Variants in APBB3 observed in about 807,000 individuals in gnomAD.
The protein encoded by APBB3 is amyloid beta precursor protein binding family B member 3.
A neutral mutation model predicts 61.5 loss-of-function variants in APBB3; 50 were observed. The observed-to-expected ratio is 0.81, with a 90% confidence interval of 0.65 to 1.03. The LOEUF is 1.03. Ranked by LOEUF, APBB3 falls within the 50% of genes least tolerant of loss-of-function variation. The probability of loss-of-function intolerance (pLI) is 0.00; values close to 1 mark genes in which losing one functional copy is unlikely to be tolerated. For synonymous variants in APBB3, 235 were observed against 233.0 expected (o/e 1.01, Z -0.08); for missense variants, 550 against 637.4 (o/e 0.86, Z 1.48).
intron 9 of APBB3, 23 bp from the exon 10 acceptor site, chr5:140,561,124 G>A (rs1408848087): frequency 6.2e-7 from 1 of 1,613,466 alleles, no homozygotes; most frequent in East Asian, 2.2e-5. Context: ...CACCAAGTTG[G>A]CCTGGAAGCT....
At position 140,558,816 on chromosome 5, in the gene APBB3, C is replaced by T. The variant is rs1754820750; in HGVS notation, c.1230G>A (p.Gln410=). The part of the protein sequence containing the change: ...SEAVQAACMV[Q]YQKCLVASAA... The stretch of plus-strand genomic sequence containing the variant: ...CAGAGGCCACAAGACACTTCTGGTA[C>T]TGAACCTAGGGAGAAGGGGAATGTG... Residue 410 remains glutamine, a synonymous_variant, in exon 13 of 13, where the codon CAG becomes CAA. Transcript: ENST00000357560. 1.2e-6 allele frequency: 2 copies of T among 1,612,368 alleles called. No individual in the cohort carries two copies. The highest frequency in any genetic ancestry group is 2.2e-5 in the East Asian group (1 of 44,872).
Position 140,560,266 on chromosome 5 carries a change from A to G in APBB3, c.1224+47T>C, listed in dbSNP as rs1190528475. On this transcript the variant is annotated intron_variant, in intron 12 of 12. Coordinates refer to ENST00000357560, the MANE Select transcript of APBB3 (RefSeq NM_133173.3). This position sits in a 1 kb window ranked among gnomAD's most constrained non-coding sequence, Gnocchi z 5.1. Reference sequence around the variant, plus strand: ...CCCGGAGCCCAAGTAAACAGTGGAGAGCAGCTGCAGGGCAATCCCACCAAC... The same window carrying G: ...CCCGGAGCCCAAGTAAACAGTGGAGGGCAGCTGCAGGGCAATCCCACCAAC... 2 of 1,579,554 alleles carry G rather than the reference A, an allele frequency of 1.3e-6. No homozygotes were observed. Among genetic ancestry groups the G allele is most frequent in the Non-Finnish European group, 1.7e-6 (2 of 1,155,952 alleles).
At position 140,564,113 on chromosome 5, in the gene APBB3, C is replaced by A. The variant is rs1755097599; in HGVS notation, c.49+84G>T. 1.9e-6 allele frequency: 3 copies of A among 1,585,000 alleles called. No homozygotes were observed. Among genetic ancestry groups the A allele is most frequent in the African/African-American group, 2.7e-5 (2 of 74,342 alleles). On this transcript the variant is annotated intron_variant, in intron 1 of 12. Transcript: ENST00000357560. This position sits in a 1 kb window ranked among gnomAD's most constrained non-coding sequence, Gnocchi z 5.0. Reference sequence around the variant, plus strand: ...CCCTACACAGAGAGGTATCCCCCACCGTCTTTGAGCCCCAGAGTAGCCTTT... The same window carrying A: ...CCCTACACAGAGAGGTATCCCCCACAGTCTTTGAGCCCCAGAGTAGCCTTT...
Position 140,558,493 on chromosome 5 carries a change from C to T in APBB3, c.*92G>A. ...TCGGAGGGACAGGCAGAGAAGGCTT[C>T]AAGGAGTGACAGGCTATAGGCCTTG... is the stretch of plus-strand genomic sequence containing the variant. On this transcript the variant is annotated 3_prime_UTR_variant, in exon 13 of 13. Transcript: ENST00000357560. The T allele has an allele frequency of 8.1e-7, 1 of 1,240,494 alleles. No homozygotes were observed. Among genetic ancestry groups the T allele is most frequent in the Non-Finnish European group, 1.2e-6 (1 of 841,730 alleles). 76.8% of individuals were successfully genotyped at this position (1,240,494 alleles called of 1,614,324 possible). A position where few individuals can be genotyped will look rare whatever the true frequency, so the allele number is the denominator to read the frequency against.
chr5:140,563,034 C>T, intron 3 of APBB3: 1 of 370,650 alleles, frequency 2.7e-6, no homozygotes, highest in Non-Finnish European at 5.0e-6. Context: ...ATCATGAGGT[C>T]AGGATATCGA....
At position 140,558,733 on chromosome 5, in the gene APBB3, G is replaced by C; in HGVS notation, c.1313C>G (p.Thr438Ser). The C allele has an allele frequency of 2.5e-6, 4 of 1,607,924 alleles. No homozygotes were observed. The highest frequency in any genetic ancestry group is 3.4e-6 in the Non-Finnish European group (4 of 1,178,366). ...ACCTCCTGGGGAATCCATGGAGCTG[G>C]TCCGCTTGAGCCGCAGGCGGGCACG... is the stretch of plus-strand genomic sequence containing the variant. ...QARARLRLKR[T>S]SSMDSPGGPL... is the part of the protein sequence containing the mutation. The change falls in exon 13 of 13, where the codon ACC becomes AGC. Residue 438 changes from threonine to serine, a missense_variant. Thr to Ser is a moderately conservative substitution (Grantham distance 58). Around this residue, in one of 3 missense-constraint regions of APBB3, gnomAD observed 138 missense variants for 132.6 expected, o/e 1.04. Coordinates refer to ENST00000357560, the MANE Select transcript of APBB3 (RefSeq NM_133173.3).
In APBB3 at chr5:140,558,671, C is replaced by T. The variant is rs529722873; in HGVS notation, c.1375G>A (p.Gly459Ser). 183 of 1,613,438 alleles carry T rather than the reference C, an allele frequency of 1.1e-4. No homozygotes were observed. The highest frequency in any genetic ancestry group is 2.2e-4 in the Admixed American group (13 of 59,746). ...CGCTTTCGAGGGGTTGCCCCTGCAC[C>T]GCCAACCCCTCCTTTGAGCAGGGGG... ...PLPLLKGGVG[G>S]AGATPRKRGV... Residue 459 changes from glycine (G) to serine (S), a missense_variant, in exon 13 of 13, where the codon GGT (glycine) becomes AGT (serine). This residue lies in a region of APBB3 where 138 missense variants were observed against 132.6 expected (regional missense o/e 1.04). Transcript: ENST00000357560.
rs576623730 is a variant in APBB3, at chr5:140,560,985, C to T, written c.916+33G>A. 1.4e-4 allele frequency: 217 copies of T among 1,605,254 alleles called. 1 individual carries two copies. The South Asian group carries it at 2.2e-3, about 17-fold the overall frequency. On this transcript the variant is annotated intron_variant, in intron 10 of 12. Coordinates refer to ENST00000357560, the MANE Select transcript of APBB3 (RefSeq NM_133173.3). The surrounding 1 kb of genome is among the most constrained non-coding windows in gnomAD (Gnocchi z 5.1). ...TCACTCACCTTCCCCTTGCCTCACA[C>T]AGCCCACCACATGCAGCCCCCTCAG...
At position 140,564,272 on chromosome 5, in the gene APBB3, T is replaced by G; in HGVS notation, c.-27A>C. 1.2e-6 allele frequency: 2 copies of G among 1,605,540 alleles called. No individual in the cohort carries two copies. The highest frequency in any genetic ancestry group is 1.7e-6 in the Non-Finnish European group (2 of 1,179,784). ...ACCCCGGCTGCTCCCCGCCAGCCTC[T>G]GCCGGCCCGCACTCTCAGCCCAGCG... is the stretch of plus-strand genomic sequence containing the variant. On this transcript the variant is annotated 5_prime_UTR_variant, in exon 1 of 13. Coordinates refer to ENST00000357560, the MANE Select transcript of APBB3 (RefSeq NM_133173.3). This position sits in a 1 kb window ranked among gnomAD's most constrained non-coding sequence, Gnocchi z 5.0.
chr5:140,558,472 A>G lies in APBB3; in HGVS notation c.*113T>C. 1 of 1,025,892 alleles carries G rather than the reference A, an allele frequency of 9.7e-7. No homozygotes were observed. The highest frequency in any genetic ancestry group is 1.5e-6 in the Non-Finnish European group (1 of 649,780). 63.5% of individuals were successfully genotyped at this position (1,025,892 alleles called of 1,614,324 possible). On this transcript the variant is annotated 3_prime_UTR_variant, in exon 13 of 13. Transcript: ENST00000357560. Reference sequence around the variant, plus strand: ...TAAATAGACGGTGGACAAGGATCGGAGGGACAGGCAGAGAAGGCTTCAAGG... The same window carrying G: ...TAAATAGACGGTGGACAAGGATCGGGGGGACAGGCAGAGAAGGCTTCAAGG...
At position 140,560,392 on chromosome 5, in the gene APBB3, C is replaced by T. The variant is rs553019305; in HGVS notation, c.1145G>A (p.Arg382His). 29 of 1,614,240 alleles carry T rather than the reference C, an allele frequency of 1.8e-5. No individual in the cohort carries two copies. Among genetic ancestry groups the T allele is most frequent in the African/African-American group, 9.3e-5 (7 of 75,064 alleles). The part of the protein sequence containing the change: ...HTFGLIADLG[R>H]QSFQCAAFWC... ...GAAGGCTGCGCACTGGAAGCTCTGA[C>T]GGCCCAGGTCAGCGATGAGGCCAAA... Residue 382 changes from arginine to histidine, a missense_variant, in exon 12 of 13, where the codon CGT (arginine) becomes CAT (histidine). Around this residue, in one of 3 missense-constraint regions of APBB3, gnomAD observed 7 missense variants for 21.5 expected, o/e 0.33. Transcript: ENST00000357560. The surrounding 1 kb of genome is among the most constrained non-coding windows in gnomAD (Gnocchi z 5.1).
Position 140,560,891 on chromosome 5 carries a change from A to C in APBB3, c.916+127T>G. ...GCAAGCCTTAGAATTCTGATTTGGG[A>C]AGGCTGGTAGACCCCAGGCCATAAC... On this transcript the variant is annotated intron_variant, in intron 10 of 12. Transcript: ENST00000357560. The surrounding 1 kb of genome is among the most constrained non-coding windows in gnomAD (Gnocchi z 5.1). 2.2e-6 allele frequency: 3 copies of C among 1,378,918 alleles called. No homozygotes were observed. The highest frequency in any genetic ancestry group is 3.0e-6 in the Non-Finnish European group (3 of 989,866). 85.4% of individuals were successfully genotyped at this position (1,378,918 alleles called of 1,614,324 possible).
At position 140,558,768 on chromosome 5, in the gene APBB3, A is replaced by G. The variant is rs771757069; in HGVS notation, c.1278T>C (p.Gly426=). 2 of 1,607,066 alleles carry G rather than the reference A, an allele frequency of 1.2e-6. No homozygotes were observed. Among genetic ancestry groups the G allele is most frequent in the Middle Eastern group, 3.4e-4 (2 of 5,818 alleles). Residue 426 remains glycine, a synonymous_variant, in exon 13 of 13, where the codon GGT becomes GGC. Transcript: ENST00000357560. ...GCCGCAGGCGGGCACGGGCCTGGGC[A>G]CCCCAGGCCTTGCCTCGAGCTGCAG... is the stretch of plus-strand genomic sequence containing the variant. ...VASAARGKAW[G]AQARARLRLK... is the part of the protein sequence containing the mutation.
At chr5:140,561,805 C>T in intron 7 of APBB3, 39 bp downstream of exon 7, 1 of 1,613,926 alleles carries the variant, frequency 6.2e-7, no homozygotes, top group Non-Finnish European at 8.5e-7. Flanking sequence ...GGAGTAGGGA[C>T]ATCAGGGATG....
intron 12 of APBB3, among the ~76,000 whole-genome samples, chr5:140,559,044 A>G (rs1683408483): frequency 6.6e-6 from 1 of 152,208 alleles, no homozygotes; most frequent in Non-Finnish European, 1.5e-5. Flanking sequence ...AGTGCTTTGT[A>G]TAATTCAGTT....
At chr5:140,559,579 T>A (rs1051208978) in intron 12 of APBB3, among the ~76,000 whole-genome samples, 1 of 152,200 alleles carries the variant, frequency 6.6e-6, no homozygotes, top group Non-Finnish European at 1.5e-5. Flanking sequence ...GCATGCCAGA[T>A]ACACTAGATT....
chr5:140,559,742 A>G (rs1294830086), intron 12 of APBB3, among the ~76,000 whole-genome samples: 1 of 152,202 alleles, frequency 6.6e-6, no homozygotes, highest in African/African-American at 2.4e-5. Flanking sequence ...CCTGACCCCT[A>G]AAGGGGCCAC....
chr5:140,562,588 T>C, intron 4 of APBB3, 75 bp downstream of exon 4: 3 of 1,609,440 alleles, frequency 1.9e-6, no homozygotes, highest in Non-Finnish European at 2.5e-6. Flanking sequence ...TCACCCTTGA[T>C]CACCTCTGTT....
At chr5:140,561,344 G>T in intron 9 of APBB3, 21 bp downstream of exon 9, 1 of 1,613,450 alleles carries the variant, frequency 6.2e-7, no homozygotes, top group Non-Finnish European at 8.5e-7. Flanking sequence ...ATGCAGCAAT[G>T]CAGGTCTCCC....
Sources: gnomAD v4.1 joint callset for allele counts (sites outside exome capture counted in the v4.1 genomes callset) on GRCh38, gnomAD v4.1.1 for gene constraint, gnomAD v4.1.1 regional missense constraint, Gnocchi (gnomAD v3.1) non-coding constraint, MANE v1.5 for transcripts, NCBI Gene and HGNC (gene_info 2026-07-23, HGNC 2026-07-21) for gene names.